The following FSTL5 variants were observed in gnomAD, a reference collection of about 807,000 sequenced individuals.
The protein encoded by FSTL5 is follistatin like 5, also known as follistatin-related protein 5.
Under a neutral mutation model 89.1 loss-of-function variants are expected in FSTL5, and 62 were observed. The ratio of observed to expected loss-of-function variants is 0.70; its 90% CI spans 0.57 to 0.86. The LOEUF (loss-of-function observed/expected upper bound fraction) is 0.86. FSTL5 is among the 40% of genes least tolerant of loss of function. The pLI is 0.00. For missense variants in FSTL5, 1,057 were observed against 1,001.6 expected (o/e 1.06, Z -0.75); for synonymous variants, 383 against 346.2 (o/e 1.11, Z -1.18).
intron 13 of FSTL5, among the ~76,000 whole-genome samples, chr4:161,471,449 T>A (rs11726048): frequency 0.03 from 4,528 of 152,312 alleles, 169 homozygotes; most frequent in East Asian, 0.13. Flanking sequence ...CTGAACTTGG[T>A]TCGCTAATAT....
chr4:162,070,683 C>G (rs751311993), intron 2 of FSTL5, among the ~76,000 whole-genome samples: 1 of 151,662 alleles, frequency 6.6e-6, no homozygotes, highest in African/African-American at 2.4e-5. Context: ...AAGGGAATCG[C>G]TGAAAGATTA....
At chr4:161,777,454 T>C (rs1450313490) in intron 4 of FSTL5, among the ~76,000 whole-genome samples, 1 of 151,970 alleles carries the variant, frequency 6.6e-6, no homozygotes, top group Admixed American at 6.6e-5. Context: ...TGTAAATTAG[T>C]ACAAACACTA....
intron 15 of FSTL5, among the ~76,000 whole-genome samples, chr4:161,396,131 A>AC (rs1474758097): frequency 6.6e-6 from 1 of 151,622 alleles, no homozygotes; most frequent in South Asian, 2.1e-4. Flanking sequence ...TAAAAAAAAA[A>AC]AACACTGCGA....
intron 8 of FSTL5, among the ~76,000 whole-genome samples, chr4:161,572,675 T>G (rs569765623): frequency 3.8e-4 from 58 of 152,294 alleles, no homozygotes; most frequent in African/African-American, 1.3e-3. Flanking sequence ...TTATCTCATG[T>G]ACAAGTAACA....
chr4:161,789,282 G>T (rs1310964209), intron 4 of FSTL5, among the ~76,000 whole-genome samples: 1 of 151,894 alleles, frequency 6.6e-6, no homozygotes, highest in African/African-American at 2.4e-5. Context: ...TTAGTATTTG[G>T]TAAGTAAGTT....
intron 15 of FSTL5, among the ~76,000 whole-genome samples, chr4:161,395,443 TA>T (rs1463547592): frequency 1.3e-5 from 2 of 152,070 alleles, no homozygotes; most frequent in African/African-American, 4.8e-5. Flanking sequence ...CTATTGCAAT[TA>T]AAAATGACTG....
chr4:161,487,784 C>T (rs1450473033), intron 12 of FSTL5, among the ~76,000 whole-genome samples: 4 of 151,898 alleles, frequency 2.6e-5, no homozygotes, highest in African/African-American at 9.7e-5. Context: ...TAATAAAATA[C>T]TTGGAGATAT....
At chr4:161,447,186 A>G (rs1042675831) in intron 15 of FSTL5, among the ~76,000 whole-genome samples, 1 of 152,072 alleles carries the variant, frequency 6.6e-6, no homozygotes, top group South Asian at 2.1e-4. Flanking sequence ...TTAGTGCTCC[A>G]TTGATTTCTT....
At chr4:161,600,440 CT>C (rs71598718) in intron 7 of FSTL5, among the ~76,000 whole-genome samples, 3 of 151,442 alleles carry the variant, frequency 2.0e-5, no homozygotes, top group East Asian at 3.9e-4. Context: ...AGATATATCT[CT>C]TTTTTTTAAT....
chr4:162,099,063 T>C (rs997374744), intron 2 of FSTL5, among the ~76,000 whole-genome samples: 4 of 152,140 alleles, frequency 2.6e-5, no homozygotes, highest in African/African-American at 9.6e-5. Context: ...GTGCATGTGA[T>C]AGTTTGATAC....
intron 7 of FSTL5, among the ~76,000 whole-genome samples, chr4:161,606,854 C>T (rs1004330279): frequency 1.3e-5 from 2 of 151,898 alleles, no homozygotes; most frequent in African/African-American, 4.8e-5. Flanking sequence ...TATGATGTAC[C>T]ATAAACTTTT....
chr4:161,436,250 C>A (rs1357998760), intron 15 of FSTL5, among the ~76,000 whole-genome samples: 1 of 152,128 alleles, frequency 6.6e-6, no homozygotes, highest in Non-Finnish European at 1.5e-5. Context: ...CTCATGGTAG[C>A]CTTTAAATAG....
chr4:162,094,348 G>T (rs1046202280), intron 2 of FSTL5, among the ~76,000 whole-genome samples: 1 of 152,126 alleles, frequency 6.6e-6, no homozygotes, highest in African/African-American at 2.4e-5. Flanking sequence ...AGCTAAACAT[G>T]TCAGCTTTGA....
chr4:161,942,613 A>G (rs2110927469), intron 3 of FSTL5, among the ~76,000 whole-genome samples: 1 of 152,204 alleles, frequency 6.6e-6, no homozygotes, highest in East Asian at 1.9e-4. Context: ...CTATTCCAAA[A>G]ATGGAAAAAA....
chr4:161,947,129 G>GGTGTGT (rs1022339671), intron 3 of FSTL5, among the ~76,000 whole-genome samples: 2 of 133,400 alleles, frequency 1.5e-5, no homozygotes, highest in Non-Finnish European at 3.4e-5. Context: ...ATATTTGTGG[G>GGTGTGT]GTGTGTGTGT....
At chr4:161,687,516 A>G (rs1340310014) in intron 6 of FSTL5, among the ~76,000 whole-genome samples, 1 of 152,212 alleles carries the variant, frequency 6.6e-6, no homozygotes, top group Non-Finnish European at 1.5e-5. Context: ...ATATCCACTC[A>G]TGAATGTCTA....
At chr4:161,868,107 G>A (rs1389773350) in intron 4 of FSTL5, among the ~76,000 whole-genome samples, 2 of 140,374 alleles carry the variant, frequency 1.4e-5, no homozygotes, top group Non-Finnish European at 3.1e-5. Context: ...ATATGTAAAT[G>A]TTTGAGGAAT....
chr4:161,704,693 G>A (rs1467996487), intron 6 of FSTL5, among the ~76,000 whole-genome samples: 2 of 151,946 alleles, frequency 1.3e-5, no homozygotes, highest in African/African-American at 4.8e-5. Flanking sequence ...ACAGATTGAT[G>A]GTTACCTAAG....
intron 4 of FSTL5, among the ~76,000 whole-genome samples, chr4:161,897,759 A>G (rs1236163802): frequency 6.6e-6 from 1 of 151,874 alleles, no homozygotes; most frequent in African/African-American, 2.4e-5. Flanking sequence ...GTTAAGGTCC[A>G]TTCTTTGTGT....
Sources: allele counts gnomAD v4.1 joint callset (sites outside exome capture counted in the v4.1 genomes callset), GRCh38; gene constraint gnomAD v4.1.1; transcripts MANE v1.5; gene names NCBI Gene and HGNC (gene_info 2026-07-23, HGNC 2026-07-21).